The following PPP1R7 variants were observed in gnomAD, a reference collection of about 807,000 sequenced individuals.
The protein encoded by PPP1R7 is protein phosphatase 1 regulatory subunit 22.
PPP1R7 carries 18 observed loss-of-function variants against 45.2 expected under a neutral mutation model. That is an observed-to-expected ratio of 0.40 (90% confidence interval 0.28 to 0.59). The LOEUF is 0.59. Among genes scored for constraint, PPP1R7 ranks in the 20% least tolerant of loss-of-function variants. The pLI is 0.46. For missense variants in PPP1R7, 314 were observed against 455.8 expected, an observed-to-expected ratio of 0.69 and a Z score of 2.83; for synonymous variants, 181 against 183.4, an observed-to-expected ratio of 0.99 and a Z score of 0.11.
rs375775486 is a variant in PPP1R7 at position 241,160,473 on chromosome 2, G to A, written c.576G>A (p.Glu192=). 1.3e-5 allele frequency: 21 copies of A among 1,608,444 alleles called. No homozygotes were observed. In the African/African-American group the frequency reaches 2.5e-4, roughly 20 times the overall value. Residue 192 remains glutamate (E), a synonymous_variant, in exon 6 of 10, where the codon GAG becomes GAA. Coordinates refer to ENST00000234038, the MANE Select transcript of PPP1R7 (RefSeq NM_002712.3). ...ACTTACATCAACTACAGATGCTAGA[G>A]CTGGGATCTAACCGCATCCGGGTAG... ...LSNLHQLQML[E]LGSNRIRAIE...
intron 9 of PPP1R7, among the ~76,000 whole-genome samples, chr2:241,171,020 G>C (rs1270300084): frequency 6.6e-6 from 1 of 152,222 alleles, no homozygotes; most frequent in African/African-American, 2.4e-5. Flanking sequence ...CCAAACAACA[G>C]GAATAAGGAG....
intron 9 of PPP1R7, among the ~76,000 whole-genome samples, chr2:241,170,268 G>A (rs918418823): frequency 1.3e-5 from 2 of 152,322 alleles, no homozygotes; most frequent in Non-Finnish European, 2.9e-5. Flanking sequence ...AGAGGCAGAC[G>A]CATTCCCTAC....
At chr2:241,149,683 T>C (rs1364387941), upstream of PPP1R7, 1 of 1,549,150 alleles carries the variant, frequency 6.5e-7, no homozygotes, top group East Asian at 2.4e-5. Context: ...CAGATGCGGT[T>C]TCCTCCCGAC....
At chr2:241,155,382 T>C (rs991518405) in intron 2 of PPP1R7, 1 of 152,142 alleles carries the variant, frequency 6.6e-6, no homozygotes, top group Non-Finnish European at 1.5e-5. Flanking sequence ...AAATCCAAGT[T>C]TTTTCTTCGA....
intron 9 of PPP1R7, among the ~76,000 whole-genome samples, chr2:241,178,429 A>G (rs1013537777): frequency 2.0e-5 from 3 of 149,786 alleles, no homozygotes; most frequent in African/African-American, 7.4e-5. Flanking sequence ...TCTGTGTTGC[A>G]GATACTTTAC....
intron 9 of PPP1R7, among the ~76,000 whole-genome samples, chr2:241,180,880 A>G (rs1232069933): frequency 6.6e-6 from 1 of 152,098 alleles, no homozygotes. Context: ...GGTACGCACT[A>G]GTCCCACAAA....
chr2:241,158,681 G>T, intron 4 of PPP1R7, 132 bp downstream of exon 4: 1 of 834,602 alleles, frequency 1.2e-6, no homozygotes, highest in Non-Finnish European at 2.0e-6. Context: ...CCACCTTGTA[G>T]CAGGCCTTTC....
chr2:241,162,531 A>AT (rs745399087), intron 6 of PPP1R7, among the ~76,000 whole-genome samples: 8 of 152,066 alleles, frequency 5.3e-5, no homozygotes, highest in Admixed American at 6.5e-5. Flanking sequence ...AGCAAGAGTG[A>AT]TGTAGGAGGG....
rs113446372 is a variant in PPP1R7, at chr2:241,183,191, G to C, written c.*368G>C. 3.9e-5 allele frequency: 15 copies of C among 381,568 alleles called. 1 individual carries two copies. Among genetic ancestry groups the C allele is most frequent in the African/African-American group, 1.9e-4 (9 of 47,710 alleles). 23.6% of individuals were successfully genotyped at this position (381,568 alleles called of 1,614,324 possible). On this transcript the variant is annotated 3_prime_UTR_variant, in exon 10 of 10. Transcript: ENST00000234038. ...AGTGCTTTACAGGCATTCACGTGCT[G>C]TCCGAGTGGCATTCGGGGGCTGGCC...
At chr2:241,149,970 G>T, upstream of PPP1R7, 1 of 1,421,610 alleles carries the variant, frequency 7.0e-7, no homozygotes, top group Non-Finnish European at 9.2e-7. Context: ...GGTAAAATCC[G>T]CGCGGGGACG....
chr2:241,150,617 C>A, intron 1 of PPP1R7, 70 bp downstream of exon 1: 1 of 1,459,202 alleles, frequency 6.9e-7, no homozygotes, highest in Non-Finnish European at 9.1e-7. Context: ...GGAACTGCTC[C>A]GTGCCTGAGA....
Position 241,152,680 on chromosome 2 carries a change from G to C in PPP1R7, c.53-796G>C, listed in dbSNP as rs150062125. Among the ~76,000 whole-genome samples, 9 of 152,334 alleles carry C rather than the reference G, an allele frequency of 5.9e-5. No homozygotes were observed. In the East Asian group the frequency reaches 1.7e-3, roughly 29 times the overall value. The stretch of plus-strand genomic sequence containing the variant: ...CCATAGTCAGGAAAGAGTATTTTCA[G>C]TATGGTTGATAATTCCAAGTAATGT... On this transcript the variant is annotated intron_variant, in intron 1 of 9. Coordinates refer to ENST00000234038, the MANE Select transcript of PPP1R7 (RefSeq NM_002712.3).
At chr2:241,175,576 A>G (rs560487368) in intron 9 of PPP1R7, among the ~76,000 whole-genome samples, 6 of 152,150 alleles carry the variant, frequency 3.9e-5, no homozygotes, top group Non-Finnish European at 8.8e-5. Context: ...TTATCTCACC[A>G]GCATCTGGAA....
intron 1 of PPP1R7, 69 bp downstream of exon 1, chr2:241,150,616 C>A: frequency 6.8e-7 from 1 of 1,481,472 alleles, no homozygotes; most frequent in Non-Finnish European, 9.0e-7. Context: ...TGGAACTGCT[C>A]CGTGCCTGAG....
At chr2:241,158,621 C>A in intron 4 of PPP1R7, 72 bp downstream of exon 4, 2 of 1,475,602 alleles carry the variant, frequency 1.4e-6, no homozygotes, top group Non-Finnish European at 1.9e-6. Flanking sequence ...ATCGAGCAGT[C>A]AGTCCTGAGT....
At chr2:241,163,258 C>T (rs767611255) in intron 6 of PPP1R7, 27 bp from the exon 7 acceptor site, 2 of 1,502,948 alleles carry the variant, frequency 1.3e-6, no homozygotes, top group South Asian at 2.3e-5. Flanking sequence ...AACTGCAGTA[C>T]TCATTGCTGT....
At chr2:241,174,766 C>T (rs1380031852) in intron 9 of PPP1R7, among the ~76,000 whole-genome samples, 1 of 151,894 alleles carries the variant, frequency 6.6e-6, no homozygotes, top group African/African-American at 2.4e-5. Flanking sequence ...GCTCCGCCTC[C>T]TGGGTTCACA....
At chr2:241,158,453 T>C in intron 3 of PPP1R7, 31 bp from the exon 4 acceptor site, 3 of 1,610,554 alleles carry the variant, frequency 1.9e-6, no homozygotes, top group Non-Finnish European at 2.5e-6. Flanking sequence ...CACTTTGCTA[T>C]AGCTGAGTAT....
intron 6 of PPP1R7, 80 bp from the exon 7 acceptor site, chr2:241,163,205 T>C: frequency 1.2e-6 from 1 of 856,612 alleles, no homozygotes; most frequent in Non-Finnish European, 1.9e-6. Flanking sequence ...CACATAGCTC[T>C]GCCCCGGTCC....
Sources: allele counts gnomAD v4.1 joint callset (sites outside exome capture counted in the v4.1 genomes callset), GRCh38; gene constraint gnomAD v4.1.1; transcripts MANE v1.5; gene names NCBI Gene and HGNC (gene_info 2026-07-23, HGNC 2026-07-21).